Variants in ADAMTSL1 observed in about 807,000 individuals in gnomAD.
The protein encoded by ADAMTSL1 is ADAMTS like 1.
A neutral mutation model predicts 201.8 loss-of-function variants in ADAMTSL1; 126 were observed. The ratio of observed to expected loss-of-function variants is 0.62; its 90% CI spans 0.54 to 0.72. The LOEUF is 0.72. Ranked by LOEUF, ADAMTSL1 falls within the 30% of genes least tolerant of loss-of-function variation. The probability of loss-of-function intolerance (pLI) is 0.00; values close to 1 mark genes in which losing one functional copy is unlikely to be tolerated. For missense variants in ADAMTSL1, 2,679 were observed against 2,277.8 expected, an observed-to-expected ratio of 1.18 and a Z score of -3.59; for synonymous variants, 1,121 against 903.4, an observed-to-expected ratio of 1.24 and a Z score of -4.32.
At chr9:18,579,515 A>T (rs1032863352) in intron 4 of ADAMTSL1, among the ~76,000 whole-genome samples, 18 of 152,266 alleles carry the variant, frequency 1.2e-4, no homozygotes, top group East Asian at 7.7e-4. Flanking sequence ...AATAAATAAA[A>T]AAAATAAAGT....
chr9:18,846,417 C>A (rs371207982), intron 23 of ADAMTSL1, among the ~76,000 whole-genome samples: 5 of 152,030 alleles, frequency 3.3e-5, no homozygotes, highest in African/African-American at 1.2e-4. Context: ...GTAGAGGAGC[C>A]GGCAGAGGTT....
intron 19 of ADAMTSL1, among the ~76,000 whole-genome samples, chr9:18,787,796 A>G (rs10963760): frequency 0.24 from 36,965 of 152,106 alleles, 5,093 homozygotes; most frequent in Admixed American, 0.35. Context: ...AGCAAGTGGT[A>G]ATTGGCTGCA....
Position 18,776,986 on chromosome 9 carries a change from C to A in ADAMTSL1, c.2757C>A (p.Ile919=), listed in dbSNP as rs757606380. 4 of 1,599,404 alleles carry A rather than the reference C, an allele frequency of 2.5e-6. No individual in the cohort carries two copies. Among genetic ancestry groups the A allele is most frequent in the Non-Finnish European group, 2.6e-6 (3 of 1,171,212 alleles). Residue 919 remains isoleucine (I), a synonymous_variant, in exon 19 of 29, where the codon ATC becomes ATA. Coordinates refer to ENST00000380548, the MANE Select transcript of ADAMTSL1 (RefSeq NM_001040272.6). Reference sequence around the variant, plus strand: ...GGGAGAAGGACGGCCAGCACCTCATCAGCTCGACGCACGTCACGGTGGCCC... The same window carrying A: ...GGGAGAAGGACGGCCAGCACCTCATAAGCTCGACGCACGTCACGGTGGCCC... ...ITWEKDGQHL[I]SSTHVTVAPF... is the part of the protein sequence containing the mutation.
At chr9:18,813,621 T>G (rs528021928) in intron 20 of ADAMTSL1, among the ~76,000 whole-genome samples, 1 of 152,352 alleles carries the variant, frequency 6.6e-6, no homozygotes, top group South Asian at 2.1e-4. Flanking sequence ...TCAGGTAGTT[T>G]ACTATTAGTA....
At chr9:18,564,709 A>G (rs1264525915) in intron 3 of ADAMTSL1, among the ~76,000 whole-genome samples, 1 of 152,222 alleles carries the variant, frequency 6.6e-6, no homozygotes, top group Non-Finnish European at 1.5e-5. Context: ...TCCTTCAGAT[A>G]TGCTAATTTT....
At chr9:18,360,431 A>G (rs1177536004) in intron 2 of ADAMTSL1, among the ~76,000 whole-genome samples, 1 of 152,146 alleles carries the variant, frequency 6.6e-6, no homozygotes, top group Non-Finnish European at 1.5e-5. Context: ...ATTCTGGGCA[A>G]GATTTTTGAA....
intron 2 of ADAMTSL1, among the ~76,000 whole-genome samples, chr9:18,275,069 A>G (rs1218419743): frequency 6.6e-6 from 1 of 152,202 alleles, no homozygotes; most frequent in African/African-American, 2.4e-5. Flanking sequence ...ATTTGAAGAC[A>G]ATACATCTTT....
intron 1 of ADAMTSL1, among the ~76,000 whole-genome samples, chr9:17,927,355 C>T (rs1563900163): frequency 6.6e-6 from 1 of 151,882 alleles, no homozygotes; most frequent in South Asian, 2.1e-4. Flanking sequence ...TGTACATGTA[C>T]ATATATACAT....
At chr9:18,440,836 A>G (rs922494843) in intron 2 of ADAMTSL1, among the ~76,000 whole-genome samples, 9 of 152,100 alleles carry the variant, frequency 5.9e-5, no homozygotes, top group African/African-American at 1.9e-4. Context: ...TAACTTCAAA[A>G]TCTATTTGGT....
chr9:18,154,463 A>T (rs1333605344), intron 1 of ADAMTSL1, among the ~76,000 whole-genome samples: 2 of 152,042 alleles, frequency 1.3e-5, no homozygotes, highest in African/African-American at 4.8e-5. Context: ...GGAACATCTG[A>T]GTCTGTGTGA....
At chr9:17,951,277 A>G (rs893940342) in intron 1 of ADAMTSL1, among the ~76,000 whole-genome samples, 55 of 152,166 alleles carry the variant, frequency 3.6e-4, no homozygotes, top group African/African-American at 1.2e-3. Context: ...GCTGTAGACA[A>G]TGCTTCAGGG....
rs531489577 is a variant in ADAMTSL1 at position 18,067,877 on chromosome 9, C to G, written c.88-95985C>G. Among the ~76,000 whole-genome samples, 245 of 152,206 alleles carry G rather than the reference C, an allele frequency of 1.6e-3. 7 individuals carry two copies. In the South Asian group the frequency reaches 0.05, roughly 31 times the overall value. On this transcript the variant is annotated intron_variant, in intron 1 of 29. Transcript: ENST00000680146. The stretch of plus-strand genomic sequence containing the variant: ...TAAGAGGGTTCTTTTCTAGAGCCTC[C>G]TGGTAAGCTCCTCTGTAGCTCTCCT...
chr9:18,298,284 A>G (rs1306982324), intron 2 of ADAMTSL1, among the ~76,000 whole-genome samples: 3 of 152,218 alleles, frequency 2.0e-5, no homozygotes, highest in African/African-American at 7.2e-5. Context: ...CGTGCAGGGT[A>G]AAAATAAAGA....
intron 14 of ADAMTSL1, chr9:18,718,088 G>C: frequency 7.1e-7 from 1 of 1,409,662 alleles, no homozygotes; most frequent in Non-Finnish European, 1.0e-6. Flanking sequence ...GAATTTTGTA[G>C]AAGAATCTAA....
upstream of ADAMTSL1, among the ~76,000 whole-genome samples, chr9:18,470,390 C>T (rs1230247722): frequency 6.6e-6 from 1 of 152,182 alleles, no homozygotes; most frequent in Admixed American, 6.5e-5. Flanking sequence ...TAGCAGTCTG[C>T]TTCCTATACT....
chr9:18,287,730 C>T (rs1330427092), intron 2 of ADAMTSL1, among the ~76,000 whole-genome samples: 1 of 111,690 alleles, frequency 9.0e-6, no homozygotes. Context: ...ATGTGAGTAT[C>T]CCCCTTTGTG....
At chr9:18,109,319 G>C (rs1824901328) in intron 1 of ADAMTSL1, among the ~76,000 whole-genome samples, 1 of 152,166 alleles carries the variant, frequency 6.6e-6, no homozygotes, top group Non-Finnish European at 1.5e-5. Flanking sequence ...GAAGGACCCA[G>C]GTGTTTACTC....
intron 16 of ADAMTSL1, among the ~76,000 whole-genome samples, chr9:18,761,420 C>T (rs1820065476): frequency 6.6e-6 from 1 of 152,098 alleles, no homozygotes; most frequent in South Asian, 2.1e-4. Context: ...AAAACGAACC[C>T]ATGACCTCAT....
intron 20 of ADAMTSL1, among the ~76,000 whole-genome samples, chr9:18,807,491 A>T (rs1258048660): frequency 6.6e-6 from 1 of 151,910 alleles, no homozygotes; most frequent in Admixed American, 6.6e-5. Flanking sequence ...AAAAAATACA[A>T]AAAATTAGCC....
Sources: gnomAD v4.1 joint callset for allele counts (sites outside exome capture counted in the v4.1 genomes callset) on GRCh38, gnomAD v4.1.1 for gene constraint, MANE v1.5 for transcripts, NCBI Gene and HGNC (gene_info 2026-07-23, HGNC 2026-07-21) for gene names.